The following PTPRG variants were observed in gnomAD, a reference collection of about 807,000 sequenced individuals.
PTPRG encodes protein tyrosine phosphatase receptor type G, also known as receptor-type tyrosine-protein phosphatase gamma.
In PTPRG, 102 loss-of-function variants were observed where a neutral mutation model predicts 165.3. That is an observed-to-expected ratio of 0.62 (90% CI 0.53 to 0.73). PTPRG has a LOEUF of 0.73. Among genes scored for constraint, PTPRG ranks in the 30% least tolerant of loss-of-function variants. PTPRG has a pLI of 0.00. For synonymous variants in PTPRG, 675 were observed against 669.5 expected, an observed-to-expected ratio of 1.01 and a Z score of -0.13; for missense variants, 1,866 against 1,861.4, an observed-to-expected ratio of 1.00 and a Z score of -0.05.
At chr3:62,002,397 T>C (rs979933428) in intron 3 of PTPRG, among the ~76,000 whole-genome samples, 7 of 152,218 alleles carry the variant, frequency 4.6e-5, no homozygotes, top group Admixed American at 4.6e-4. Context: ...TACATGTGTT[T>C]AGCAGCCAAT....
chr3:61,919,404 G>A lies in PTPRG; in HGVS notation c.191-70221G>A, dbSNP rs145456439. On this transcript the variant is annotated intron_variant, in intron 2 of 29. Transcript: ENST00000474889. ...CAACAAATAGAAAGCAAATCAAAATGCAGACAGTATCCATGTGGTCATCTG... is the reference window on the plus strand; with the variant it reads ...CAACAAATAGAAAGCAAATCAAAATACAGACAGTATCCATGTGGTCATCTG... Among the ~76,000 whole-genome samples the A allele has an allele frequency of 4.5e-3, 687 of 152,310 alleles. 3 individuals are homozygous for A. The highest frequency in any genetic ancestry group is 7.6e-3 in the Non-Finnish European group (516 of 68,020).
At chr3:61,580,904 G>A (rs1235474302) in intron 1 of PTPRG, among the ~76,000 whole-genome samples, 1 of 152,214 alleles carries the variant, frequency 6.6e-6, no homozygotes, top group Non-Finnish European at 1.5e-5. Context: ...GATTTGTACT[G>A]GTTTCTGGAG....
chr3:61,729,073 C>T (rs2032384303), intron 1 of PTPRG, among the ~76,000 whole-genome samples: 1 of 150,442 alleles, frequency 6.6e-6, no homozygotes. Context: ...AAAAAACAAA[C>T]AAACAAACAA....
chr3:61,567,884 G>A (rs1003764132), intron 1 of PTPRG, among the ~76,000 whole-genome samples: 3 of 149,692 alleles, frequency 2.0e-5, no homozygotes, highest in African/African-American at 7.4e-5. Flanking sequence ...CTCCAGAGGT[G>A]GAGGACAGGA....
At chr3:62,047,207 G>C (rs1700322211) in intron 4 of PTPRG, among the ~76,000 whole-genome samples, 2 of 151,202 alleles carry the variant, frequency 1.3e-5, no homozygotes, top group South Asian at 2.1e-4. Flanking sequence ...TAGAATGCAG[G>C]GATTTTTTGG....
chr3:62,189,417 G>A (rs1314238613), intron 8 of PTPRG, among the ~76,000 whole-genome samples: 1 of 152,122 alleles, frequency 6.6e-6, no homozygotes, highest in Admixed American at 6.5e-5. Flanking sequence ...CGGGAGTCTG[G>A]TTCCTGGTGG....
chr3:61,597,802 G>T (rs1173210853), intron 1 of PTPRG, among the ~76,000 whole-genome samples: 1 of 152,176 alleles, frequency 6.6e-6, no homozygotes, highest in African/African-American at 2.4e-5. Context: ...TGTGAAAATG[G>T]ATAGAGTGAT....
intron 13 of PTPRG, among the ~76,000 whole-genome samples, chr3:62,225,398 G>A (rs1482168494): frequency 6.6e-6 from 1 of 152,192 alleles, no homozygotes; most frequent in East Asian, 1.9e-4. Context: ...CTATGTGCCC[G>A]GTGTCCAATC....
At chr3:61,927,060 A>G (rs2039232895) in intron 2 of PTPRG, among the ~76,000 whole-genome samples, 1 of 152,194 alleles carries the variant, frequency 6.6e-6, no homozygotes, top group African/African-American at 2.4e-5. Flanking sequence ...ATGACTGTCA[A>G]GTGTCTGGAT....
intron 8 of PTPRG, among the ~76,000 whole-genome samples, chr3:62,179,657 T>C (rs930896051): frequency 3.3e-4 from 50 of 152,210 alleles, no homozygotes; most frequent in Non-Finnish European, 5.9e-5. Flanking sequence ...ATGTGCTGAA[T>C]TGATGATTCC....
chr3:61,942,846 T>A (rs2039666940), intron 2 of PTPRG, among the ~76,000 whole-genome samples: 1 of 152,246 alleles, frequency 6.6e-6, no homozygotes, highest in Admixed American at 6.5e-5. Context: ...CTTAGCAAAC[T>A]TCCTTCCCAA....
chr3:62,160,719 G>T (rs1379318301), intron 7 of PTPRG, among the ~76,000 whole-genome samples: 2 of 152,290 alleles, frequency 1.3e-5, no homozygotes, highest in East Asian at 3.9e-4. Context: ...TCCTTTCCAG[G>T]ACTGTTTGCA....
At chr3:62,285,543 G>A (rs977368150) in intron 28 of PTPRG, among the ~76,000 whole-genome samples, 1 of 149,390 alleles carries the variant, frequency 6.7e-6, no homozygotes, top group Admixed American at 6.7e-5. Flanking sequence ...GGGGTCTCAG[G>A]TGTGTCCCAG....
At chr3:62,084,786 T>G (rs954083198) in intron 5 of PTPRG, among the ~76,000 whole-genome samples, 16 of 152,208 alleles carry the variant, frequency 1.1e-4, no homozygotes, top group Non-Finnish European at 2.4e-4. Context: ...GCATTCCATC[T>G]TGTATTAAAG....
chr3:61,832,930 C>T (rs186641895), intron 2 of PTPRG, among the ~76,000 whole-genome samples: 1 of 152,300 alleles, frequency 6.6e-6, no homozygotes, highest in East Asian at 1.9e-4. Context: ...TAGCTTGGCT[C>T]CCACTTATGA....
At chr3:61,683,616 C>G (rs1703523430) in intron 1 of PTPRG, among the ~76,000 whole-genome samples, 1 of 152,166 alleles carries the variant, frequency 6.6e-6, no homozygotes, top group East Asian at 1.9e-4. Flanking sequence ...CTGGAAATCC[C>G]TTTGAATTGT....
chr3:62,166,017 G>T (rs1169869983), intron 7 of PTPRG, among the ~76,000 whole-genome samples: 1 of 151,856 alleles, frequency 6.6e-6, no homozygotes, highest in Non-Finnish European at 1.5e-5. Context: ...AGCCTTGACA[G>T]TCACTCAATG....
intron 1 of PTPRG, among the ~76,000 whole-genome samples, chr3:61,604,580 A>G (rs947762209): frequency 5.9e-5 from 9 of 152,274 alleles, no homozygotes; most frequent in African/African-American, 2.2e-4. Context: ...CCAGCCTGTA[A>G]TGTAAGTACC....
At chr3:62,148,765 A>AAAAT (rs61021514) in intron 6 of PTPRG, among the ~76,000 whole-genome samples, 7,946 of 151,736 alleles carry the variant, frequency 0.052, 628 homozygotes, top group African/African-American at 0.17. Flanking sequence ...CCGTCTCCAC[A>AAAAT]AAATAAATAA....
Sources: gnomAD v4.1 joint callset for allele counts (sites outside exome capture counted in the v4.1 genomes callset) on GRCh38, gnomAD v4.1.1 for gene constraint, MANE v1.5 for transcripts, NCBI Gene and HGNC (gene_info 2026-07-23, HGNC 2026-07-21) for gene names.